The following AFF3 variants were observed in gnomAD, a reference collection of about 807,000 sequenced individuals.
The protein encoded by AFF3 is ALF transcription elongation factor 3.
In AFF3, 32 loss-of-function variants were observed where a neutral mutation model predicts 129.7. That is an observed-to-expected ratio of 0.25 (90% CI 0.19 to 0.33). The LOEUF (loss-of-function observed/expected upper bound fraction) is 0.33. Ranked by LOEUF, AFF3 falls within the 10% of genes least tolerant of loss-of-function variation. The pLI, the probability that AFF3 is intolerant of heterozygous loss-of-function variation, is 1.00. For synonymous variants in AFF3, 644 were observed against 635.4 expected (o/e 1.01, Z -0.20); for missense variants, 1,373 against 1,592.0 (o/e 0.86, Z 2.34).
intron 4 of AFF3, among the ~76,000 whole-genome samples, chr2:100,039,542 G>C (rs1685252398): frequency 6.6e-6 from 1 of 152,014 alleles, no homozygotes; most frequent in African/African-American, 2.4e-5. Flanking sequence ...GGAAGGCAAA[G>C]GGAGAACTCC....
At chr2:100,069,181 T>C (rs1229119040) in intron 4 of AFF3, among the ~76,000 whole-genome samples, 1 of 152,132 alleles carries the variant, frequency 6.6e-6, no homozygotes, top group African/African-American at 2.4e-5. Flanking sequence ...TGGATTTCTA[T>C]CATTTTTTTT....
intron 8 of AFF3, among the ~76,000 whole-genome samples, chr2:99,758,862 G>A (rs1386176032): frequency 6.6e-6 from 1 of 152,098 alleles, no homozygotes; most frequent in Admixed American, 6.6e-5. Context: ...TCCAGTATTT[G>A]TTTTCCAATC....
chr2:99,882,516 G>C (rs1692800707), intron 7 of AFF3, among the ~76,000 whole-genome samples: 1 of 152,182 alleles, frequency 6.6e-6, no homozygotes, highest in African/African-American at 2.4e-5. Flanking sequence ...CCTGGTTCAT[G>C]AGGACTGCTG....
At chr2:99,642,132 A>T (rs546449205) in intron 13 of AFF3, among the ~76,000 whole-genome samples, 1 of 152,246 alleles carries the variant, frequency 6.6e-6, no homozygotes, top group Non-Finnish European at 1.5e-5. Flanking sequence ...ACGAAGCACA[A>T]AAATGAGGGG....
Position 100,112,789 on chromosome 2 carries a change from T to G in AFF3, c.-144-7206A>C, listed in dbSNP as rs1396197227. 2.6e-5 allele frequency among the ~76,000 whole-genome samples: 4 copies of G among 150,970 alleles called. No homozygotes were observed. The South Asian group carries it at 6.3e-4, about 24-fold the overall frequency. The stretch of plus-strand genomic sequence containing the variant: ...AGTGAGTGAAGGAAGGGGCTCTGAT[T>G]AGAGCTACAGGCCCGAGGGCCTGCC... On this transcript the variant is annotated intron_variant, in intron 2 of 24. Transcript: ENST00000672756.
At chr2:99,713,016 T>C (rs748450771) in intron 11 of AFF3, among the ~76,000 whole-genome samples, 14 of 152,168 alleles carry the variant, frequency 9.2e-5, no homozygotes, top group Non-Finnish European at 1.8e-4. Flanking sequence ...ATTCCACTTA[T>C]ATGAGGTCCC....
intron 7 of AFF3, among the ~76,000 whole-genome samples, chr2:99,983,187 A>G (rs1379517985): frequency 6.6e-6 from 1 of 152,238 alleles, no homozygotes; most frequent in African/African-American, 2.4e-5. Flanking sequence ...TGATTAATTC[A>G]AAGTTTTCCT....
chr2:99,598,664 C>T (rs1679522910), intron 14 of AFF3, among the ~76,000 whole-genome samples: 1 of 152,216 alleles, frequency 6.6e-6, no homozygotes, highest in Admixed American at 6.5e-5. Context: ...AGGCGTTCTG[C>T]TTCAAAGCAG....
At chr2:99,782,185 G>T (rs1684466116) in intron 8 of AFF3, among the ~76,000 whole-genome samples, 1 of 152,102 alleles carries the variant, frequency 6.6e-6, no homozygotes, top group Non-Finnish European at 1.5e-5. Context: ...TTGGAGTTGG[G>T]GTCCCCACAT....
chr2:99,677,987 C>A (rs929041761), intron 11 of AFF3, among the ~76,000 whole-genome samples: 6 of 152,164 alleles, frequency 3.9e-5, no homozygotes, highest in Admixed American at 1.3e-4. Flanking sequence ...CCTGGCCAAA[C>A]CCCCAACTGT....
At chr2:99,626,299 G>T (rs899131099) in intron 13 of AFF3, among the ~76,000 whole-genome samples, 9 of 150,842 alleles carry the variant, frequency 6.0e-5, no homozygotes, top group Non-Finnish European at 1.0e-4. Context: ...AAATTCCTTT[G>T]GAAAGTCTGC....
At chr2:100,116,172 G>A (rs1445448110) in intron 2 of AFF3, among the ~76,000 whole-genome samples, 1 of 151,664 alleles carries the variant, frequency 6.6e-6, no homozygotes, top group Non-Finnish European at 1.5e-5. Flanking sequence ...CTTTCCTTGG[G>A]TTTATGTTTG....
In AFF3 at chr2:99,550,327, G is replaced by C; in HGVS notation, c.*1147C>G. ...CATTGCAAGCAGCCTGCTAATCAAAGCCTGAAAAATCGCCCCCAAATCAAA... is the reference window on the plus strand; with the variant it reads ...CATTGCAAGCAGCCTGCTAATCAAACCCTGAAAAATCGCCCCCAAATCAAA... On this transcript the variant is annotated 3_prime_UTR_variant, in exon 25 of 25. Coordinates refer to ENST00000672756, the MANE Select transcript of AFF3 (RefSeq NM_001386135.1). The C allele has an allele frequency of 8.7e-6, 2 of 230,994 alleles. No individual in the cohort carries two copies. The highest frequency in any genetic ancestry group is 1.7e-5 in the Non-Finnish European group (2 of 116,626). 14.3% of individuals were successfully genotyped at this position (230,994 alleles called of 1,614,324 possible).
At chr2:99,566,609 C>G (rs1345357066) in intron 19 of AFF3, among the ~76,000 whole-genome samples, 1 of 152,164 alleles carries the variant, frequency 6.6e-6, no homozygotes, top group African/African-American at 2.4e-5. Flanking sequence ...TTGTGTTATT[C>G]TTTCCCCACA....
intron 4 of AFF3, among the ~76,000 whole-genome samples, chr2:100,063,276 A>T (rs1687454839): frequency 7.1e-6 from 1 of 141,800 alleles, no homozygotes; most frequent in South Asian, 2.3e-4. Context: ...AAAAAAAATG[A>T]CCAGGCAGTT....
chr2:99,603,847 A>G (rs1680075003), intron 13 of AFF3, among the ~76,000 whole-genome samples: 1 of 152,236 alleles, frequency 6.6e-6, no homozygotes, highest in Admixed American at 6.5e-5. Context: ...AAGAAGACAT[A>G]CATGTGGCCA....
intron 1 of AFF3, among the ~76,000 whole-genome samples, chr2:100,133,128 C>T (rs1012599675): frequency 1.1e-4 from 17 of 150,572 alleles, no homozygotes; most frequent in East Asian, 1.0e-3. Context: ...TGTCTGGGTG[C>T]GGTGGCTCAC....
At chr2:99,997,194 T>C (rs1025230630) in intron 7 of AFF3, among the ~76,000 whole-genome samples, 1 of 152,158 alleles carries the variant, frequency 6.6e-6, no homozygotes, top group Non-Finnish European at 1.5e-5. Context: ...ACTCCAGACT[T>C]GTGGGTCACC....
At chr2:99,856,668 A>G (rs1558919675) in intron 7 of AFF3, among the ~76,000 whole-genome samples, 1 of 152,300 alleles carries the variant, frequency 6.6e-6, no homozygotes, top group South Asian at 2.1e-4. Context: ...TAAGTTTCAA[A>G]CAATCAGCTT....
Sources: allele counts gnomAD v4.1 joint callset (sites outside exome capture counted in the v4.1 genomes callset), GRCh38; gene constraint gnomAD v4.1.1; transcripts MANE v1.5; gene names NCBI Gene and HGNC (gene_info 2026-07-23, HGNC 2026-07-21).